The following UBE2D3 variants were observed in gnomAD, a reference collection of about 807,000 sequenced individuals.
UBE2D3 encodes the protein ubiquitin-conjugating enzyme E2 D3.
UBE2D3 carries 2 observed loss-of-function variants against 22.8 expected under a neutral mutation model. The ratio of observed to expected loss-of-function variants is 0.09; its 90% CI spans 0.04 to 0.28. The LOEUF (loss-of-function observed/expected upper bound fraction) is 0.28. Ranked by LOEUF, UBE2D3 falls within the 10% of genes least tolerant of loss-of-function variation. UBE2D3 has a pLI of 1.00. For synonymous variants in UBE2D3, 56 were observed against 60.4 expected, an observed-to-expected ratio of 0.93 and a Z score of 0.34; for missense variants, 27 against 182.5, an observed-to-expected ratio of 0.15 and a Z score of 4.91.
chr4:102,813,731 G>A (rs1308171659), intron 2 of UBE2D3, among the ~76,000 whole-genome samples: 1 of 152,170 alleles, frequency 6.6e-6, no homozygotes, highest in Non-Finnish European at 1.5e-5. Flanking sequence ...GGGAACCTTG[G>A]CCAGTAACCT....
chr4:102,830,336 T>A (rs571859372), upstream of UBE2D3, among the ~76,000 whole-genome samples: 1 of 152,346 alleles, frequency 6.6e-6, no homozygotes, highest in South Asian at 2.1e-4. Context: ...AATAATCATG[T>A]TTTTTATATT....
At chr4:102,827,322 T>C (rs557882187) in intron 1 of UBE2D3, 105 bp downstream of exon 1, 17 of 953,100 alleles carry the variant, frequency 1.8e-5, no homozygotes, top group Admixed American at 6.2e-5. Flanking sequence ...CCGCACCCAA[T>C]AGGCTGGCCG....
chr4:102,868,703 CA>C (rs1372163912), intron 1 of UBE2D3: 1 of 1,613,888 alleles, frequency 6.2e-7, no homozygotes, highest in Non-Finnish European at 8.5e-7. Flanking sequence ...GTAGAGACAG[CA>C]AGAGACTCAC....
chr4:102,863,711 C>T (rs1329419774), intron 1 of UBE2D3, among the ~76,000 whole-genome samples: 1 of 152,152 alleles, frequency 6.6e-6, no homozygotes, highest in African/African-American at 2.4e-5. Context: ...CCAGGCTGGT[C>T]TTGAACTCCT....
intron 1 of UBE2D3, among the ~76,000 whole-genome samples, chr4:102,853,180 TC>T (rs1300939135): frequency 7.7e-6 from 1 of 129,792 alleles, no homozygotes; most frequent in Non-Finnish European, 1.6e-5. Context: ...TTTCGCTCTG[TC>T]GCCCAGGCTG....
At chr4:102,856,337 C>T (rs181145469) in intron 1 of UBE2D3, among the ~76,000 whole-genome samples, 176 of 152,034 alleles carry the variant, frequency 1.2e-3, no homozygotes, top group African/African-American at 4.1e-3. Flanking sequence ...ACTGCACTCC[C>T]GTCTGGGCAA....
chr4:102,827,581 C>T, upstream of UBE2D3: 1 of 986,996 alleles, frequency 1.0e-6, no homozygotes, highest in Non-Finnish European at 1.2e-6. Context: ...CGCCCCTCCC[C>T]CTCCTCCTGC....
At chr4:102,867,835 G>A (rs760533063) in intron 1 of UBE2D3, among the ~76,000 whole-genome samples, 3 of 152,106 alleles carry the variant, frequency 2.0e-5, no homozygotes, top group Non-Finnish European at 4.4e-5. Flanking sequence ...TCAAGATCAA[G>A]CTTGCCCAAC....
At chr4:102,813,353 TTTG>T (rs1294428869) in intron 2 of UBE2D3, among the ~76,000 whole-genome samples, 3 of 152,290 alleles carry the variant, frequency 2.0e-5, no homozygotes, top group African/African-American at 7.2e-5. Flanking sequence ...TGTACAGCAA[TTTG>T]TTGAACAATA....
chr4:102,822,823 C>T (rs556507400), intron 2 of UBE2D3, among the ~76,000 whole-genome samples: 3 of 88,780 alleles, frequency 3.4e-5, no homozygotes, highest in South Asian at 6.7e-4. Context: ...GTAGTCCCAG[C>T]TACTCAGGAG....
At chr4:102,857,927 C>T (rs1420419032) in intron 1 of UBE2D3, among the ~76,000 whole-genome samples, 3 of 151,976 alleles carry the variant, frequency 2.0e-5, no homozygotes, top group South Asian at 2.1e-4. Flanking sequence ...CTCCTGACCT[C>T]GTGATCCACC....
intron 4 of UBE2D3, among the ~76,000 whole-genome samples, chr4:102,808,442 A>G (rs185402576): frequency 1.1e-4 from 16 of 152,338 alleles, no homozygotes; most frequent in Admixed American, 3.3e-4. Context: ...TTACTGTTTT[A>G]AATGTTACTT....
chr4:102,868,431 A>G (rs1733278277), intron 1 of UBE2D3, among the ~76,000 whole-genome samples: 1 of 152,212 alleles, frequency 6.6e-6, no homozygotes, highest in Non-Finnish European at 1.5e-5. Flanking sequence ...AGGAAGGACT[A>G]CTACGAATCT....
At chr4:102,846,390 C>T (rs1228472892) in intron 1 of UBE2D3, among the ~76,000 whole-genome samples, 3 of 152,214 alleles carry the variant, frequency 2.0e-5, no homozygotes, top group Non-Finnish European at 4.4e-5. Flanking sequence ...ATTTAAGCCT[C>T]ATCCTACCAA....
intron 1 of UBE2D3, among the ~76,000 whole-genome samples, chr4:102,857,820 A>T (rs2110375618): frequency 6.6e-6 from 1 of 152,150 alleles, no homozygotes; most frequent in Middle Eastern, 3.4e-3. Flanking sequence ...CAGCCTCCTG[A>T]GTAGCTAGGA....
chr4:102,819,168 TAA>T (rs1369355368), intron 2 of UBE2D3, among the ~76,000 whole-genome samples: 1 of 151,816 alleles, frequency 6.6e-6, no homozygotes, highest in Non-Finnish European at 1.5e-5. Context: ...CCATCTCTAC[TAA>T]AATATAAAAA....
chr4:102,852,556 A>G (rs778872285), intron 1 of UBE2D3, among the ~76,000 whole-genome samples: 4 of 152,202 alleles, frequency 2.6e-5, no homozygotes, highest in Admixed American at 1.3e-4. Context: ...TCATTTAGCA[A>G]TATCTGGAAA....
intron 5 of UBE2D3, chr4:102,802,331 C>A (rs77410855): frequency 0.013 from 4,379 of 335,732 alleles, 45 homozygotes; most frequent in Non-Finnish European, 0.019. Context: ...CGGAAGCTTC[C>A]ACATGGTCTG....
intron 2 of UBE2D3, among the ~76,000 whole-genome samples, chr4:102,815,051 C>CTT (rs373719376): frequency 2.6e-5 from 4 of 151,582 alleles, no homozygotes; most frequent in Non-Finnish European, 4.4e-5. Context: ...GCGTAATTTT[C>CTT]TTTTTTTTGG....
Sources: allele counts gnomAD v4.1 joint callset (sites outside exome capture counted in the v4.1 genomes callset), GRCh38; gene constraint gnomAD v4.1.1; transcripts MANE v1.5; gene names NCBI Gene and HGNC (gene_info 2026-07-23, HGNC 2026-07-21).